RXRA: variants seen among roughly 807,000 people sequenced by gnomAD.
RXRA encodes retinoid X receptor alpha, also known as retinoic acid receptor RXR-alpha.
In RXRA, 5 loss-of-function variants were observed where a neutral mutation model predicts 44.5. That is an observed-to-expected ratio of 0.11 (90% CI 0.06 to 0.24). The LOEUF is 0.24. Among genes scored for constraint, RXRA ranks in the 10% least tolerant of loss-of-function variants. The pLI, the probability that RXRA is intolerant of heterozygous loss-of-function variation, is 1.00. For synonymous variants in RXRA, 291 were observed against 271.4 expected, an observed-to-expected ratio of 1.07 and a Z score of -0.71; for missense variants, 412 against 646.5, an observed-to-expected ratio of 0.64 and a Z score of 3.93.
In RXRA at chr9:134,426,587, T is replaced by G; in HGVS notation, c.911-2521T>G. 1.0e-6 allele frequency: 1 copy of G among 985,372 alleles called. No homozygotes were observed. Among genetic ancestry groups the G allele is most frequent in the Non-Finnish European group, 1.2e-6 (1 of 829,902 alleles). 61.0% of individuals were successfully genotyped at this position (985,372 alleles called of 1,614,324 possible). A position where few individuals can be genotyped will look rare whatever the true frequency, so the allele number is the denominator to read the frequency against. ...CCCGTGCTGAGGGCCGCACCTCGGC[T>G]CAGCAGCGCCTTCTGACCCCAGCCG... is the stretch of plus-strand genomic sequence containing the variant. On this transcript the variant is annotated intron_variant, in intron 6 of 9. Transcript: ENST00000481739. The surrounding 1 kb of genome is among the most constrained non-coding windows in gnomAD (Gnocchi z 4.6).
Position 134,425,394 on chromosome 9 carries a change from G to A in RXRA, c.910+3589G>A, listed in dbSNP as rs559378065. On this transcript the variant is annotated intron_variant, in intron 6 of 9. Transcript: ENST00000481739. The stretch of plus-strand genomic sequence containing the variant: ...CAGATGAGTAAACTGAGACAGGGCC[G>A]GGTCGCTCACAGCTTTCAGGTTTCT... The A allele has an allele frequency of 1.3e-4, 127 of 985,154 alleles. 1 individual carries two copies. The African/African-American group carries it at 1.9e-3, about 15-fold the overall frequency. The allele number at this position is 985,154 out of a possible 1,614,324, so 61.0% of individuals were successfully genotyped here. A position where few individuals can be genotyped will look rare whatever the true frequency, so the allele number is the denominator to read the frequency against.
intron 6 of RXRA, 99 bp from the exon 7 acceptor site, chr9:134,429,009 G>A (rs3118570): frequency 2.1e-6 from 3 of 1,461,836 alleles, no homozygotes; most frequent in East Asian, 2.3e-5. Context: ...AGGATGGGTC[G>A]GTGACATGCT....
chr9:134,409,146 CG>C (rs772320788), intron 4 of RXRA, 27 bp downstream of exon 4: 13 of 1,516,012 alleles, frequency 8.6e-6, no homozygotes, highest in Non-Finnish European at 1.2e-5. Context: ...GGTGGGGGCG[CG>C]GGCAGGTGTT....
chr9:134,412,191 G>A (rs917896243), intron 4 of RXRA, among the ~76,000 whole-genome samples: 1 of 152,214 alleles, frequency 6.6e-6, no homozygotes, highest in East Asian at 1.9e-4. Flanking sequence ...GGCCAAGTTG[G>A]CCAACACTAG....
chr9:134,436,719 G>C lies in RXRA; in HGVS notation c.*105G>C. 7.3e-7 allele frequency: 1 copy of C among 1,377,102 alleles called. No individual in the cohort carries two copies. The highest frequency in any genetic ancestry group is 1.0e-6 in the Non-Finnish European group (1 of 1,000,942). The allele number at this position is 1,377,102 out of a possible 1,614,324, so 85.3% of individuals were successfully genotyped here. ...GTCCCTGCCCTTCTCTGCCTGGCCT[G>C]TTTGGACTTTGGGGCACAGCCTGTC... On this transcript the variant is annotated 3_prime_UTR_variant, in exon 10 of 10. Coordinates refer to ENST00000481739, the MANE Select transcript of RXRA (RefSeq NM_002957.6).
intron 1 of RXRA, among the ~76,000 whole-genome samples, chr9:134,400,638 G>A (rs187176496): frequency 3.9e-5 from 6 of 152,314 alleles, no homozygotes; most frequent in Admixed American, 3.3e-4. Flanking sequence ...CAGTGGATTC[G>A]CCACCTGGGA....
chr9:134,427,115 T>C (rs1831446793), intron 6 of RXRA: 1 of 984,958 alleles, frequency 1.0e-6, no homozygotes, highest in African/African-American at 1.7e-5. Flanking sequence ...AGGGGGCCTC[T>C]TCTAGATTAG....
intron 2 of RXRA, 101 bp downstream of exon 2, chr9:134,401,983 G>A (rs2119142777): frequency 2.0e-6 from 2 of 993,416 alleles, no homozygotes; most frequent in Admixed American, 2.8e-5. Flanking sequence ...CTGGGAGGTA[G>A]GTGCTGTGGT....
At chr9:134,352,436 A>G (rs113301852) in intron 1 of RXRA, among the ~76,000 whole-genome samples, 1 of 152,042 alleles carries the variant, frequency 6.6e-6, no homozygotes, top group Admixed American at 6.5e-5. Context: ...GCCCTGCTCT[A>G]GGCCCCAGGT....
intron 1 of RXRA, among the ~76,000 whole-genome samples, chr9:134,388,446 G>A (rs1408511850): frequency 1.3e-5 from 2 of 152,138 alleles, no homozygotes; most frequent in South Asian, 4.1e-4. Flanking sequence ...CGCAGGAGTG[G>A]GGCCCAGGGT....
intron 1 of RXRA, among the ~76,000 whole-genome samples, chr9:134,392,912 G>A (rs1444528230): frequency 9.9e-5 from 15 of 151,984 alleles, no homozygotes; most frequent in Non-Finnish European, 2.1e-4. Flanking sequence ...ATGGGGCTCC[G>A]AGTCCCACAG....
In RXRA at chr9:134,437,909, T is replaced by G. The variant is rs1490739051; in HGVS notation, c.*1295T>G. 1.4e-5 allele frequency: 2 copies of G among 144,984 alleles called. No individual in the cohort carries two copies. The highest frequency in any genetic ancestry group is 5.0e-5 in the African/African-American group (2 of 39,928). 9.0% of individuals were successfully genotyped at this position (144,984 alleles called of 1,614,324 possible). ...TTACTTGGGAGCCTCACTGAACGCC[T>G]GCTCTGGTTGAAGGTGGGGTGGGGG... On this transcript the variant is annotated 3_prime_UTR_variant, in exon 10 of 10. Coordinates refer to ENST00000481739, the MANE Select transcript of RXRA (RefSeq NM_002957.6).
In RXRA at chr9:134,396,749, C is replaced by G. The variant is rs148934606; in HGVS notation, c.29-4883C>G. The stretch of plus-strand genomic sequence containing the variant: ...CTCCCCCATTTAGAACGCCGTCCTT[C>G]CCTCCGCTGGGCTTCCTGGGGCGCC... On this transcript the variant is annotated intron_variant, in intron 1 of 9. Coordinates refer to ENST00000481739, the MANE Select transcript of RXRA (RefSeq NM_002957.6). 7.3e-3 allele frequency among the ~76,000 whole-genome samples: 1,112 copies of G among 152,330 alleles called. 14 individuals carry two copies. The highest frequency in any genetic ancestry group is 0.025 in the African/African-American group (1,029 of 41,578).
rs1347533520 is a variant in RXRA at position 134,407,008 on chromosome 9, A to T, written c.280-1141A>T. On this transcript the variant is annotated intron_variant, in intron 2 of 9. Coordinates refer to ENST00000481739, the MANE Select transcript of RXRA (RefSeq NM_002957.6). This position sits in a 1 kb window ranked among gnomAD's most constrained non-coding sequence, Gnocchi z 4.8. ...GCTTCATGGCACCCCCACTGTGCTG[A>T]GTTGTCACGGGGGACCTCCTGGCCT... 6.6e-6 allele frequency among the ~76,000 whole-genome samples: 1 copy of T among 152,120 alleles called. No homozygotes were observed. Among genetic ancestry groups the T allele is most frequent in the East Asian group, 1.9e-4 (1 of 5,176 alleles).
intron 6 of RXRA, among the ~76,000 whole-genome samples, chr9:134,427,691 G>T (rs1227157449): frequency 6.6e-6 from 1 of 152,198 alleles, no homozygotes; most frequent in Non-Finnish European, 1.5e-5. Context: ...GACAGGGTGG[G>T]TATGTGCTGG....
chr9:134,413,660 G>A (rs1831187701), intron 4 of RXRA, among the ~76,000 whole-genome samples: 1 of 152,220 alleles, frequency 6.6e-6, no homozygotes, highest in African/African-American at 2.4e-5. Context: ...AGTGGGCCTG[G>A]GGATGCCCCT....
intron 1 of RXRA, among the ~76,000 whole-genome samples, chr9:134,378,812 G>C (rs962772057): frequency 2.0e-5 from 3 of 152,194 alleles, no homozygotes; most frequent in Non-Finnish European, 4.4e-5. Flanking sequence ...CCTTGTAGGG[G>C]TGCCTGCAGG....
intron 1 of RXRA, 155 bp from the exon 2 acceptor site, chr9:134,401,477 A>T (rs1321757277): frequency 8.5e-7 from 1 of 1,171,504 alleles, no homozygotes; most frequent in Admixed American, 2.1e-5. Flanking sequence ...GTGAGTGTGA[A>T]TTTGCGTCAG....
At chr9:134,363,349 C>T (rs1256683345) in intron 1 of RXRA, among the ~76,000 whole-genome samples, 1 of 152,226 alleles carries the variant, frequency 6.6e-6, no homozygotes, top group Non-Finnish European at 1.5e-5. Flanking sequence ...GGGCCCTGTC[C>T]ACCCACCCCA....
Sources: allele counts gnomAD v4.1 joint callset (sites outside exome capture counted in the v4.1 genomes callset), GRCh38; gene constraint gnomAD v4.1.1; non-coding constraint Gnocchi (gnomAD v3.1); transcripts MANE v1.5; gene names NCBI Gene and HGNC (gene_info 2026-07-23, HGNC 2026-07-21).